THSD7B: variants seen among roughly 807,000 people sequenced by gnomAD.
THSD7B encodes thrombospondin type 1 domain containing 7B.
In THSD7B, 138 loss-of-function variants were observed where a neutral mutation model predicts 213.6. The ratio of observed to expected loss-of-function variants is 0.65; its 90% CI spans 0.56 to 0.74. The LOEUF (loss-of-function observed/expected upper bound fraction) is 0.74. THSD7B is among the 30% of genes least tolerant of loss of function. The probability of loss-of-function intolerance (pLI) is 0.00; values close to 1 mark genes in which losing one functional copy is unlikely to be tolerated. For synonymous variants in THSD7B, 742 were observed against 687.0 expected, an observed-to-expected ratio of 1.08 and a Z score of -1.25; for missense variants, 1,931 against 1,991.5, an observed-to-expected ratio of 0.97 and a Z score of 0.58.
intron 1 of THSD7B, among the ~76,000 whole-genome samples, chr2:136,851,784 T>C (rs1426685163): frequency 2.0e-5 from 3 of 152,088 alleles, no homozygotes; most frequent in Non-Finnish European, 2.9e-5. Flanking sequence ...AAGTAATTCA[T>C]ATTGGCTAAG....
intron 10 of THSD7B, 72 bp from the exon 11 acceptor site, chr2:137,272,461 A>C: frequency 6.9e-7 from 1 of 1,445,540 alleles, no homozygotes; most frequent in East Asian, 2.5e-5. Context: ...CTTTTTTTTC[A>C]ATTGCTACCT....
At chr2:137,191,746 C>T (rs1345294967) in intron 7 of THSD7B, among the ~76,000 whole-genome samples, 3 of 152,066 alleles carry the variant, frequency 2.0e-5, no homozygotes, top group African/African-American at 7.2e-5. Context: ...AATGCTCCCC[C>T]ACTGCAGCCT....
intron 3 of THSD7B, among the ~76,000 whole-genome samples, chr2:137,088,961 T>TA (rs1164707422): frequency 2.0e-5 from 3 of 151,636 alleles, no homozygotes; most frequent in South Asian, 2.1e-4. Flanking sequence ...AATAAAAAAA[T>TA]AAAAAAAATT....
rs878957651 is a variant in THSD7B, at chr2:137,437,108, T to C, written c.2960-13737T>C. On this transcript the variant is annotated intron_variant, in intron 14 of 27. Transcript: ENST00000409968. ...CTTGAAGATTTTATCTCATCTTTTT[T>C]CCCAGATCATCTTTTGAGATACTAG... Among the ~76,000 whole-genome samples the C allele has an allele frequency of 4.9e-3, 744 of 152,250 alleles. 11 individuals are homozygous for C. The highest frequency in any genetic ancestry group is 0.043 in the Admixed American group (653 of 15,288).
chr2:137,119,172 G>A (rs1688498389), intron 5 of THSD7B, among the ~76,000 whole-genome samples: 1 of 152,208 alleles, frequency 6.6e-6, no homozygotes, highest in South Asian at 2.1e-4. Context: ...TGAAGGAAAT[G>A]TGGTAAACCA....
chr2:137,123,207 T>C (rs1368992755), intron 5 of THSD7B, among the ~76,000 whole-genome samples: 3 of 152,048 alleles, frequency 2.0e-5, no homozygotes, highest in Non-Finnish European at 4.4e-5. Flanking sequence ...CATGTCGTGG[T>C]GTCTGGGATC....
chr2:137,075,584 C>T (rs1687603817), intron 3 of THSD7B, among the ~76,000 whole-genome samples: 2 of 152,204 alleles, frequency 1.3e-5, no homozygotes, highest in South Asian at 4.1e-4. Flanking sequence ...CTTCTCTCAA[C>T]TCGTTAAAGT....
intron 1 of THSD7B, among the ~76,000 whole-genome samples, chr2:136,802,835 C>T (rs898146347): frequency 2.0e-5 from 3 of 151,362 alleles, no homozygotes; most frequent in Non-Finnish European, 4.4e-5. Flanking sequence ...TCTTCACTTA[C>T]AGAGACACTT....
chr2:137,400,852 G>T (rs1686338783), intron 12 of THSD7B, among the ~76,000 whole-genome samples: 1 of 151,940 alleles, frequency 6.6e-6, no homozygotes, highest in South Asian at 2.1e-4. Flanking sequence ...CTGTGTCCTG[G>T]AGCAGGGGAA....
chr2:137,241,912 A>G (rs1226380394), intron 9 of THSD7B, among the ~76,000 whole-genome samples: 1 of 140,270 alleles, frequency 7.1e-6, no homozygotes, highest in East Asian at 2.0e-4. Flanking sequence ...CCATCTCAGG[A>G]AAAAAAAAAA....
intron 1 of THSD7B, among the ~76,000 whole-genome samples, chr2:136,849,232 T>C (rs1367189978): frequency 1.3e-5 from 2 of 152,204 alleles, no homozygotes; most frequent in Non-Finnish European, 2.9e-5. Context: ...GAGTGCCTAG[T>C]AGGTGCCATA....
intron 2 of THSD7B, among the ~76,000 whole-genome samples, chr2:136,983,358 G>GACACACAGACACACACACACACAC: frequency 1.9e-5 from 2 of 105,134 alleles, no homozygotes; most frequent in East Asian, 5.7e-4. Flanking sequence ...CAGACACACA[G>GACACACAGACACACACACACACAC]ACACACACAC....
chr2:136,970,849 G>A (rs1362928904), intron 2 of THSD7B, among the ~76,000 whole-genome samples: 2 of 152,316 alleles, frequency 1.3e-5, no homozygotes, highest in East Asian at 3.9e-4. Context: ...TGGGAATAAA[G>A]ATGGCATTGG....
In THSD7B at chr2:136,862,164, T is replaced by C. The variant is rs1247024652; in HGVS notation, c.-35-19980T>C. On this transcript the variant is annotated intron_variant, in intron 1 of 27. Coordinates refer to ENST00000409968, the MANE Select transcript of THSD7B (RefSeq NM_001316349.2). ...CACAATTTCCCATTAGGGGTGGGAC[T>C]GTACAAAGTGTGGATACCAGGAGGT... is the stretch of plus-strand genomic sequence containing the variant. Among the ~76,000 whole-genome samples the C allele has an allele frequency of 2.6e-5, 4 of 152,214 alleles. No homozygotes were observed. In the East Asian group the frequency reaches 7.7e-4, roughly 29 times the overall value.
chr2:136,854,282 TTG>T (rs1683146577), intron 1 of THSD7B, among the ~76,000 whole-genome samples: 2 of 151,744 alleles, frequency 1.3e-5, no homozygotes, highest in South Asian at 4.2e-4. Flanking sequence ...GCATGTATTT[TTG>T]TTCTATGAAT....
intron 17 of THSD7B, among the ~76,000 whole-genome samples, chr2:137,607,498 A>T (rs947173113): frequency 2.0e-5 from 3 of 152,192 alleles, no homozygotes; most frequent in African/African-American, 7.2e-5. Flanking sequence ...TCAGTGCAAT[A>T]CTTATAACTA....
intron 1 of THSD7B, among the ~76,000 whole-genome samples, chr2:136,768,521 A>G (rs1045035352): frequency 6.6e-6 from 1 of 152,198 alleles, no homozygotes; most frequent in African/African-American, 2.4e-5. Context: ...GACTGGTCTT[A>G]TTTAGTTAAC....
At chr2:137,469,308 A>G (rs1203190230) in intron 15 of THSD7B, among the ~76,000 whole-genome samples, 1 of 152,228 alleles carries the variant, frequency 6.6e-6, no homozygotes, top group Non-Finnish European at 1.5e-5. Flanking sequence ...CTGAATAGAA[A>G]TAGTTTTGTA....
At chr2:137,586,397 T>C (rs1681728520) in intron 17 of THSD7B, among the ~76,000 whole-genome samples, 1 of 152,158 alleles carries the variant, frequency 6.6e-6, no homozygotes, top group Non-Finnish European at 1.5e-5. Flanking sequence ...GCTGGTTATT[T>C]TGCCCATTAG....
Sources: allele counts gnomAD v4.1 joint callset (sites outside exome capture counted in the v4.1 genomes callset), GRCh38; gene constraint gnomAD v4.1.1; transcripts MANE v1.5; gene names NCBI Gene and HGNC (gene_info 2026-07-23, HGNC 2026-07-21).